Variants in AKAP8L observed in about 807,000 individuals in gnomAD.
The protein encoded by AKAP8L is A-kinase anchoring protein 8 like.
AKAP8L carries 34 observed loss-of-function variants against 77.5 expected under a neutral mutation model. That is an observed-to-expected ratio of 0.44 (90% confidence interval 0.33 to 0.58). The LOEUF is 0.58. AKAP8L is among the 20% of genes least tolerant of loss of function. The probability of loss-of-function intolerance (pLI) is 0.02; values close to 1 mark genes in which losing one functional copy is unlikely to be tolerated. For synonymous variants in AKAP8L, 342 were observed against 340.7 expected (o/e 1.00, Z -0.04); for missense variants, 806 against 887.6 (o/e 0.91, Z 1.17).
intron 2 of AKAP8L, among the ~76,000 whole-genome samples, chr19:15,404,440 T>G (rs1313361217): frequency 6.6e-6 from 1 of 152,202 alleles, no homozygotes; most frequent in Non-Finnish European, 1.5e-5. Context: ...GCCCTTGAAT[T>G]GTTGACTGTG....
chr19:15,404,721 G>GTTGT (rs989424434), intron 2 of AKAP8L, among the ~76,000 whole-genome samples: 3 of 152,200 alleles, frequency 2.0e-5, no homozygotes, highest in Non-Finnish European at 2.9e-5. Context: ...AGACCCAACA[G>GTTGT]TTGTTTCCCA....
chr19:15,391,513 TATTTTATG>T (rs1366508936), intron 12 of AKAP8L, among the ~76,000 whole-genome samples: 2 of 51,332 alleles, frequency 3.9e-5, no homozygotes, highest in Non-Finnish European at 7.1e-5. Context: ...TAATAAACAT[TATTTTATG>T]TTTTTATTTT....
Position 15,404,039 on chromosome 19 carries a change from T to C in AKAP8L, c.92A>G (p.Tyr31Cys), listed in dbSNP as rs1967952328. The C allele has an allele frequency of 3.1e-6, 5 of 1,613,824 alleles. No individual in the cohort carries two copies. The highest frequency in any genetic ancestry group is 3.4e-6 in the Non-Finnish European group (4 of 1,179,784). Residue 31 changes from tyrosine to cysteine, a missense_variant, in exon 3 of 14, where the codon TAT (tyrosine) becomes TGT (cysteine). Tyr to Cys is a radical substitution (Grantham distance 194). Transcript: ENST00000397410. Reference sequence around the variant, plus strand: ...ATTTGTCCCAGAGTTCCAAGTTCCATATCCTACAAAAAGTAAAAGGGCAGT... The same window carrying C: ...ATTTGTCCCAGAGTTCCAAGTTCCACATCCTACAAAAAGTAAAAGGGCAGT... ...TSAQPTCDYG[Y>C]GTWNSGTNRG... is the part of the protein sequence containing the mutation.
chr19:15,398,878 A>T lies in AKAP8L; in HGVS notation c.1157+424T>A. On this transcript the variant is annotated intron_variant, in intron 9 of 13. Transcript: ENST00000397410. The surrounding 1 kb of genome is among the most constrained non-coding windows in gnomAD (Gnocchi z 9.2). The stretch of plus-strand genomic sequence containing the variant: ...GGCAGGCCCGAGGCTGCCACAGCCC[A>T]CAGGTGCTGCCATCTCTCCTGGGCA... 2.2e-6 allele frequency: 2 copies of T among 905,056 alleles called. No individual in the cohort carries two copies. The highest frequency in any genetic ancestry group is 3.6e-5 in the African/African-American group (2 of 55,390). The allele number at this position is 905,056 out of a possible 1,614,324, so 56.1% of individuals were successfully genotyped here. A position where few individuals can be genotyped will look rare whatever the true frequency, so the allele number is the denominator to read the frequency against.
chr19:15,406,708 T>C (rs1968008979), intron 2 of AKAP8L, among the ~76,000 whole-genome samples: 1 of 151,622 alleles, frequency 6.6e-6, no homozygotes, highest in Admixed American at 6.6e-5. Flanking sequence ...GGCTCAAGCC[T>C]CCCATCTCAG....
chr19:15,388,445 T>C (rs976062838), intron 12 of AKAP8L, among the ~76,000 whole-genome samples: 1 of 152,016 alleles, frequency 6.6e-6, no homozygotes, highest in South Asian at 2.1e-4. Flanking sequence ...AAGTAGCAAT[T>C]GTAAATAGGT....
At chr19:15,410,498 C>A in intron 2 of AKAP8L, 22 bp downstream of exon 2, 1 of 1,558,898 alleles carries the variant, frequency 6.4e-7, no homozygotes, top group Non-Finnish European at 8.7e-7. Context: ...CACTTTGGTT[C>A]CCACCAGAAG....
intron 1 of AKAP8L, among the ~76,000 whole-genome samples, chr19:15,414,446 T>C (rs1023333355): frequency 1.3e-5 from 2 of 152,118 alleles, no homozygotes; most frequent in African/African-American, 4.8e-5. Flanking sequence ...ATGCCCTATA[T>C]GGCCCTATAA....
intron 12 of AKAP8L, among the ~76,000 whole-genome samples, chr19:15,390,334 G>T (rs1175533739): frequency 6.6e-6 from 1 of 150,766 alleles, no homozygotes; most frequent in Non-Finnish European, 1.5e-5. Flanking sequence ...TGTGAGGATC[G>T]CCTGAGCCTG....
Position 15,388,654 on chromosome 19 carries a change from G to A in AKAP8L, c.1537-8042C>T, listed in dbSNP as rs1028979070. On this transcript the variant is annotated intron_variant, in intron 12 of 13. Transcript: ENST00000397410. Reference sequence around the variant, plus strand: ...ACTTGGGCCGGGTGCGGTGGCTCACGCCTGTAATCCCAGCACTTTGGGAGG... The same window carrying A: ...ACTTGGGCCGGGTGCGGTGGCTCACACCTGTAATCCCAGCACTTTGGGAGG... Among the ~76,000 whole-genome samples, 8 of 152,298 alleles carry A rather than the reference G, an allele frequency of 5.3e-5. 1 individual carries two copies. In the South Asian group the frequency reaches 1.7e-3, roughly 32 times the overall value.
At chr19:15,412,449 T>C (rs907431074) in intron 1 of AKAP8L, among the ~76,000 whole-genome samples, 1 of 152,128 alleles carries the variant, frequency 6.6e-6, no homozygotes, top group Non-Finnish European at 1.5e-5. Flanking sequence ...TCTACCTCTA[T>C]CAGAAACCAG....
chr19:15,409,372 A>T (rs925692616), intron 2 of AKAP8L, among the ~76,000 whole-genome samples: 1 of 152,238 alleles, frequency 6.6e-6, no homozygotes, highest in Non-Finnish European at 1.5e-5. Flanking sequence ...GAAGTCAAGC[A>T]AACCAAGTTT....
chr19:15,388,544 G>A (rs1021355910), intron 12 of AKAP8L, among the ~76,000 whole-genome samples: 1 of 152,150 alleles, frequency 6.6e-6, no homozygotes, highest in African/African-American at 2.4e-5. Flanking sequence ...TAATAAAATG[G>A]TAAATCTTAG....
In AKAP8L at chr19:15,400,995, T is replaced by C. The variant is rs1411948773; in HGVS notation, c.865A>G (p.Ser289Gly). Residue 289 changes from serine (S) to glycine (G), a missense_variant, in exon 6 of 14, where the codon AGC (serine) becomes GGC (glycine). Physicochemically the swap from Ser to Gly is moderately conservative, Grantham distance 56. Transcript: ENST00000397410. Reference sequence around the variant, plus strand: ...GAGCAGTCCGTGCGGGTGGCTTTGCTATCTGGCTCATCAGGACTGCCGCCC... The same window carrying C: ...GAGCAGTCCGTGCGGGTGGCTTTGCCATCTGGCTCATCAGGACTGCCGCCC... Reference protein sequence around the residue: ...KQGGSPDEPDSKATRTDCSDN... With the variant: ...KQGGSPDEPDGKATRTDCSDN... 2 of 1,614,006 alleles carry C rather than the reference T, an allele frequency of 1.2e-6. No homozygotes were observed. The highest frequency in any genetic ancestry group is 1.7e-6 in the Non-Finnish European group (2 of 1,179,896).
chr19:15,384,765 TATTA>T (rs1967493869), intron 12 of AKAP8L, among the ~76,000 whole-genome samples: 1 of 152,282 alleles, frequency 6.6e-6, no homozygotes, highest in Admixed American at 6.5e-5. Context: ...TACCAAATTC[TATTA>T]ATTCTAAGAA....
chr19:15,403,867 T>C lies in AKAP8L; in HGVS notation c.121+143A>G, dbSNP rs566404500. On this transcript the variant is annotated intron_variant, in intron 3 of 13. Transcript: ENST00000397410. The surrounding 1 kb of genome is among the most constrained non-coding windows in gnomAD (Gnocchi z 4.3). ...GCTAGATGGGCCCTGGTCATTCTGATGAGGGCCTCCTGTTAAGGAGTAGGT... is the reference window on the plus strand; with the variant it reads ...GCTAGATGGGCCCTGGTCATTCTGACGAGGGCCTCCTGTTAAGGAGTAGGT... The C allele has an allele frequency of 2.0e-4, 219 of 1,100,276 alleles. 1 individual carries two copies. Among genetic ancestry groups the C allele is most frequent in the African/African-American group, 3.9e-4 (25 of 64,034 alleles). The allele number at this position is 1,100,276 out of a possible 1,614,324, so 68.2% of individuals were successfully genotyped here. A position where few individuals can be genotyped will look rare whatever the true frequency, so the allele number is the denominator to read the frequency against.
intron 12 of AKAP8L, among the ~76,000 whole-genome samples, chr19:15,393,391 C>G (rs1599598749): frequency 6.6e-6 from 1 of 152,074 alleles, no homozygotes; most frequent in Non-Finnish European, 1.5e-5. Flanking sequence ...GGTGAAAAAA[C>G]CCACAGAATG....
chr19:15,395,983 C>CAAAAAAAAAAAA (rs751904092), intron 12 of AKAP8L, among the ~76,000 whole-genome samples: 38 of 40,462 alleles, frequency 9.4e-4, no homozygotes, highest in African/African-American at 1.9e-3. Context: ...GACTCCGTCT[C>CAAAAAAAAAAAA]AAAAAAAAAA....
rs1967363032 is a variant in AKAP8L at position 15,380,077 on chromosome 19, G to A, written c.*45C>T. The A allele has an allele frequency of 1.4e-6, 2 of 1,445,030 alleles. No homozygotes were observed. The highest frequency in any genetic ancestry group is 1.8e-6 in the Non-Finnish European group (2 of 1,111,052). 89.5% of individuals were successfully genotyped at this position (1,445,030 alleles called of 1,614,324 possible). ...GGATGGGAAAACTTTATTAGGTTTG[G>A]TTTCCAGCTTCGGCCACGCGGGCTC... On this transcript the variant is annotated 3_prime_UTR_variant, in exon 14 of 14. Transcript: ENST00000397410.
Sources: gnomAD v4.1 joint callset for allele counts (sites outside exome capture counted in the v4.1 genomes callset) on GRCh38, gnomAD v4.1.1 for gene constraint, Gnocchi (gnomAD v3.1) non-coding constraint, MANE v1.5 for transcripts, NCBI Gene and HGNC (gene_info 2026-07-23, HGNC 2026-07-21) for gene names.